Variants in TMEFF2 observed in about 807,000 individuals in gnomAD.
The protein encoded by TMEFF2 is transmembrane protein with EGF like and two follistatin like domains 2, also known as tomoregulin-2.
Under a neutral mutation model 53.8 loss-of-function variants are expected in TMEFF2, and 28 were observed. The observed-to-expected ratio is 0.52, with a 90% confidence interval of 0.39 to 0.71. TMEFF2 has a LOEUF of 0.71. TMEFF2 is among the 30% of genes least tolerant of loss of function. TMEFF2 has a pLI of 0.00. For missense variants in TMEFF2, 353 were observed against 455.2 expected, an observed-to-expected ratio of 0.78 and a Z score of 2.04; for synonymous variants, 162 against 166.3, an observed-to-expected ratio of 0.97 and a Z score of 0.20.
intron 5 of TMEFF2, among the ~76,000 whole-genome samples, chr2:192,016,111 A>G (rs778468028): frequency 8.5e-5 from 13 of 152,160 alleles, no homozygotes; most frequent in Non-Finnish European, 1.8e-4. Context: ...CAATGATGGT[A>G]CCAATATTTG....
At chr2:192,181,407 A>G (rs1429436890) in intron 3 of TMEFF2, among the ~76,000 whole-genome samples, 1 of 151,800 alleles carries the variant, frequency 6.6e-6, no homozygotes, top group Non-Finnish European at 1.5e-5. Context: ...CTTTAAGTCA[A>G]GGAAAATGTG....
intron 5 of TMEFF2, among the ~76,000 whole-genome samples, chr2:192,026,983 T>G (rs1405470673): frequency 3.9e-5 from 6 of 152,220 alleles, no homozygotes; most frequent in Non-Finnish European, 5.9e-5. Context: ...TAAATGCCAA[T>G]GGAACAGTTT....
intron 7 of TMEFF2, among the ~76,000 whole-genome samples, chr2:191,970,286 G>A (rs139449527): frequency 6.6e-6 from 1 of 151,784 alleles, no homozygotes; most frequent in Admixed American, 6.6e-5. Flanking sequence ...TAGTTTATTG[G>A]TTACTGTCTT....
chr2:192,099,722 T>C (rs990065953), intron 4 of TMEFF2, among the ~76,000 whole-genome samples: 5 of 152,040 alleles, frequency 3.3e-5, no homozygotes, highest in Admixed American at 6.6e-5. Context: ...CTTGCACAAA[T>C]AGCTAGGGTT....
intron 4 of TMEFF2, among the ~76,000 whole-genome samples, chr2:192,099,257 T>C (rs1688981828): frequency 1.3e-5 from 2 of 152,170 alleles, no homozygotes; most frequent in Non-Finnish European, 2.9e-5. Context: ...TGGGTAACTA[T>C]TATAGGTAAA....
intron 4 of TMEFF2, among the ~76,000 whole-genome samples, chr2:192,174,578 A>T (rs748083467): frequency 6.6e-6 from 1 of 151,744 alleles, no homozygotes; most frequent in Non-Finnish European, 1.5e-5. Flanking sequence ...TAAGATTTCA[A>T]TTGAAGTTCA....
chr2:192,003,938 G>GGGGGGC (rs56274230), intron 5 of TMEFF2, among the ~76,000 whole-genome samples: 1 of 145,760 alleles, frequency 6.9e-6, no homozygotes. Flanking sequence ...TGGGGGGGGG[G>GGGGGGC]CTCACACTCA....
At chr2:192,057,525 A>C (rs1687940342) in intron 5 of TMEFF2, among the ~76,000 whole-genome samples, 154 bp downstream of exon 5, 1 of 152,072 alleles carries the variant, frequency 6.6e-6, no homozygotes, top group Non-Finnish European at 1.5e-5. Flanking sequence ...ATCCAGTTCC[A>C]GAAATTCCTT....
In TMEFF2 at chr2:192,194,679, C is replaced by T. The variant is rs147478103; in HGVS notation, c.-155G>A. On this transcript the variant is annotated 5_prime_UTR_variant, in exon 1 of 10. Coordinates refer to ENST00000272771, the MANE Select transcript of TMEFF2 (RefSeq NM_016192.4). This position sits in a 1 kb window ranked among gnomAD's most constrained non-coding sequence, Gnocchi z 4.2. ...GGCGGGGAAGCAGCAGCCAAACCCG[C>T]GCATGATCTCGAGAGTTTCAGCAAC... 5 of 733,138 alleles carry T rather than the reference C, an allele frequency of 6.8e-6. No homozygotes were observed. The highest frequency in any genetic ancestry group is 1.1e-5 in the Non-Finnish European group (5 of 443,274). 45.4% of individuals were successfully genotyped at this position (733,138 alleles called of 1,614,324 possible). A position where few individuals can be genotyped will look rare whatever the true frequency, so the allele number is the denominator to read the frequency against.
chr2:191,971,089 G>A (rs567505439), intron 7 of TMEFF2, among the ~76,000 whole-genome samples: 1 of 152,128 alleles, frequency 6.6e-6, no homozygotes, highest in African/African-American at 2.4e-5. Context: ...TTTCTAGTCA[G>A]TGATAACTGG....
At chr2:192,037,277 GAAAGAAAGAAAGAAAGAAA>G (rs1687325761) in intron 5 of TMEFF2, among the ~76,000 whole-genome samples, 1 of 95,754 alleles carries the variant, frequency 1.0e-5, no homozygotes, top group Admixed American at 1.0e-4. Flanking sequence ...CCAAAATAAA[GAAAGAAAGAAAGAAAGAAA>G]GAAAGAAAGA....
intron 4 of TMEFF2, among the ~76,000 whole-genome samples, chr2:192,166,565 G>C (rs991565759): frequency 6.6e-6 from 1 of 152,162 alleles, no homozygotes; most frequent in Non-Finnish European, 1.5e-5. Context: ...TTTTCAATAT[G>C]TAAATTATTT....
At chr2:192,019,636 C>CT (rs907901415) in intron 5 of TMEFF2, among the ~76,000 whole-genome samples, 90 of 147,670 alleles carry the variant, frequency 6.1e-4, no homozygotes, top group East Asian at 3.0e-3. Flanking sequence ...TAAATGTTGT[C>CT]TTTTTTTTTT....
chr2:192,194,799 T>A lies in TMEFF2; in HGVS notation c.-275A>T. 2.1e-6 allele frequency: 1 copy of A among 475,380 alleles called. No individual in the cohort carries two copies. Among genetic ancestry groups the A allele is most frequent in the Non-Finnish European group, 3.8e-6 (1 of 260,776 alleles). 29.4% of individuals were successfully genotyped at this position (475,380 alleles called of 1,614,324 possible). A position where few individuals can be genotyped will look rare whatever the true frequency, so the allele number is the denominator to read the frequency against. On this transcript the variant is annotated 5_prime_UTR_variant, in exon 1 of 10. Coordinates refer to ENST00000272771, the MANE Select transcript of TMEFF2 (RefSeq NM_016192.4). The surrounding 1 kb of genome is among the most constrained non-coding windows in gnomAD (Gnocchi z 4.2). ...AGCTGCTGCCATAAGGAGGGAGCTCTGGGAAGCCGGAGGACAGGAGGAGAC... is the reference window on the plus strand; with the variant it reads ...AGCTGCTGCCATAAGGAGGGAGCTCAGGGAAGCCGGAGGACAGGAGGAGAC...
intron 4 of TMEFF2, among the ~76,000 whole-genome samples, chr2:192,100,732 A>T (rs1254805306): frequency 6.6e-6 from 1 of 152,158 alleles, no homozygotes; most frequent in African/African-American, 2.4e-5. Flanking sequence ...CTGATTTTTT[A>T]TCTGCATGTT....
chr2:192,118,854 A>G (rs1254270166), intron 4 of TMEFF2, among the ~76,000 whole-genome samples: 5 of 152,178 alleles, frequency 3.3e-5, no homozygotes, highest in Non-Finnish European at 7.4e-5. Context: ...AATTTCAGAA[A>G]GTAATTCACA....
At chr2:192,049,580 G>C (rs1687713720) in intron 5 of TMEFF2, among the ~76,000 whole-genome samples, 6 of 152,120 alleles carry the variant, frequency 3.9e-5, no homozygotes, top group Admixed American at 3.9e-4. Context: ...GAATATGCTA[G>C]AAACTGAGAC....
At chr2:192,101,098 G>A (rs549105821) in intron 4 of TMEFF2, among the ~76,000 whole-genome samples, 1 of 152,122 alleles carries the variant, frequency 6.6e-6, no homozygotes. Flanking sequence ...TCACATTATA[G>A]TTCATGGGAT....
At chr2:192,122,151 G>A (rs544513771) in intron 4 of TMEFF2, among the ~76,000 whole-genome samples, 5 of 152,050 alleles carry the variant, frequency 3.3e-5, no homozygotes, top group African/African-American at 4.8e-5. Flanking sequence ...GGTGTCATAT[G>A]TGCCCCATAT....
Sources: gnomAD v4.1 joint callset for allele counts (sites outside exome capture counted in the v4.1 genomes callset) on GRCh38, gnomAD v4.1.1 for gene constraint, Gnocchi (gnomAD v3.1) non-coding constraint, MANE v1.5 for transcripts, NCBI Gene and HGNC (gene_info 2026-07-23, HGNC 2026-07-21) for gene names.